SPATA9: variants seen among roughly 807,000 people sequenced by gnomAD.
SPATA9 encodes the protein spermatogenesis-associated protein 9.
SPATA9 carries 27 observed loss-of-function variants against 25.5 expected under a neutral mutation model. That is an observed-to-expected ratio of 1.06 (90% CI 0.78 to 1.46). The LOEUF (loss-of-function observed/expected upper bound fraction) is 1.46, where lower values mean the gene tolerates loss of function less well. Ranked by LOEUF, SPATA9 falls within the 40% of genes most tolerant of loss-of-function variation. The pLI is 0.00. For synonymous variants in SPATA9, 102 were observed against 105.7 expected (o/e 0.97, Z 0.21); for missense variants, 282 against 297.5 (o/e 0.95, Z 0.38).
At chr5:95,722,236 A>G in the SPATA9 span, among the ~76,000 whole-genome samples, 8 of 152,218 alleles carry the variant, frequency 5.3e-5, no homozygotes, top group African/African-American at 1.9e-4. Flanking sequence ...GAAGGCTTTT[A>G]GTACAGTTAA....
At chr5:95,683,533 G>C (rs1400372768), upstream of SPATA9, among the ~76,000 whole-genome samples, 1 of 151,742 alleles carries the variant, frequency 6.6e-6, no homozygotes, top group African/African-American at 2.4e-5. Context: ...TATATATATA[G>C]TTTGTTTGTT....
At chr5:95,667,316 G>A (rs527793649) in intron 3 of SPATA9, among the ~76,000 whole-genome samples, 4 of 151,284 alleles carry the variant, frequency 2.6e-5, no homozygotes, top group African/African-American at 4.9e-5. Flanking sequence ...AGCTAAGAGT[G>A]GGGGGGTGGG....
At chr5:95,703,696 A>T (rs1754230793), upstream of SPATA9, among the ~76,000 whole-genome samples, 1 of 152,174 alleles carries the variant, frequency 6.6e-6, no homozygotes, top group African/African-American at 2.4e-5. Flanking sequence ...TATATCATAT[A>T]TTCATAAAAA....
intron 1 of SPATA9, among the ~76,000 whole-genome samples, chr5:95,693,182 G>A (rs962733132): frequency 6.6e-6 from 1 of 152,192 alleles, no homozygotes; most frequent in African/African-American, 2.4e-5. Context: ...AAAACAATTA[G>A]TATCATCAAG....
chr5:95,658,965 CA>C (rs1398422746), intron 4 of SPATA9, 52 bp from the exon 5 acceptor site: 1 of 1,534,022 alleles, frequency 6.5e-7, no homozygotes, highest in South Asian at 1.3e-5. Flanking sequence ...AGCTACTAAC[CA>C]CAGATTAAAA....
chr5:95,687,447 T>C (rs895833666), upstream of SPATA9, among the ~76,000 whole-genome samples: 1 of 152,078 alleles, frequency 6.6e-6, no homozygotes, highest in African/African-American at 2.4e-5. Context: ...ATTAGGGGAG[T>C]GTATTCTTTA....
upstream of SPATA9, among the ~76,000 whole-genome samples, chr5:95,703,424 A>C (rs1754221855): frequency 6.6e-6 from 1 of 152,188 alleles, no homozygotes; most frequent in South Asian, 2.1e-4. Context: ...CCTTGAGGTC[A>C]TGAGTTCGAG....
At chr5:95,660,025 A>C (rs1156614000) in intron 4 of SPATA9, among the ~76,000 whole-genome samples, 1 of 152,142 alleles carries the variant, frequency 6.6e-6, no homozygotes, top group Non-Finnish European at 1.5e-5. Flanking sequence ...TTTTAGAAGA[A>C]AAAGAGGGAA....
chr5:95,677,796 TA>T (rs1753084282), intron 2 of SPATA9, among the ~76,000 whole-genome samples: 1 of 152,222 alleles, frequency 6.6e-6, no homozygotes, highest in Non-Finnish European at 1.5e-5. Flanking sequence ...CTTTCATATT[TA>T]AAAACTCACA....
chr5:95,729,948 C>T, the SPATA9 span, among the ~76,000 whole-genome samples: 5 of 151,758 alleles, frequency 3.3e-5, no homozygotes, highest in Non-Finnish European at 7.4e-5. Flanking sequence ...TATGGGTTTC[C>T]GGAAAAGACT....
intron 1 of SPATA9, among the ~76,000 whole-genome samples, chr5:95,695,618 A>G (rs1489146735): frequency 6.6e-6 from 1 of 151,998 alleles, no homozygotes; most frequent in African/African-American, 2.4e-5. Flanking sequence ...AAACAAACAA[A>G]CACATTTACA....
the SPATA9 span, among the ~76,000 whole-genome samples, chr5:95,713,165 C>T: frequency 1.3e-5 from 2 of 152,132 alleles, no homozygotes; most frequent in South Asian, 4.1e-4. Flanking sequence ...ATGTCCCAGA[C>T]CTTTTTTTAG....
At position 95,677,258 on chromosome 5, in the gene SPATA9, A is replaced by G. The variant is rs558082734; in HGVS notation, c.151-1619T>C. On this transcript the variant is annotated intron_variant, in intron 2 of 4. Coordinates refer to ENST00000274432, the MANE Select transcript of SPATA9 (RefSeq NM_031952.4). Reference sequence around the variant, plus strand: ...GGAGTATAAATTGTAAGTGTTTTATATCCATTTAGCTTGCTTCTTTTTCTC... The same window carrying G: ...GGAGTATAAATTGTAAGTGTTTTATGTCCATTTAGCTTGCTTCTTTTTCTC... 3.3e-5 allele frequency among the ~76,000 whole-genome samples: 5 copies of G among 152,278 alleles called. 1 individual carries two copies. The highest frequency in any genetic ancestry group is 1.2e-4 in the African/African-American group (5 of 41,566).
the SPATA9 span, among the ~76,000 whole-genome samples, chr5:95,721,590 A>G: frequency 6.6e-5 from 10 of 152,108 alleles, no homozygotes; most frequent in Non-Finnish European, 1.3e-4. Context: ...TTTGAAGGTA[A>G]AAGAGGAGAG....
At chr5:95,697,800 C>G (rs1390974768) in intron 1 of SPATA9, among the ~76,000 whole-genome samples, 1 of 151,626 alleles carries the variant, frequency 6.6e-6, no homozygotes, top group Admixed American at 6.6e-5. Flanking sequence ...AAATACCTGC[C>G]AAATACCCAG....
chr5:95,678,284 G>A (rs572292506), intron 2 of SPATA9, among the ~76,000 whole-genome samples: 1 of 152,328 alleles, frequency 6.6e-6, no homozygotes, highest in Admixed American at 6.5e-5. Context: ...GGCTCAGGCA[G>A]GAGAATAGCT....
At chr5:95,706,982 A>G in the SPATA9 span, among the ~76,000 whole-genome samples, 1 of 152,234 alleles carries the variant, frequency 6.6e-6, no homozygotes. Context: ...AGGGCAATGT[A>G]GAGTTTGATT....
downstream of SPATA9, chr5:95,654,242 A>C (rs1421576878): frequency 6.2e-7 from 1 of 1,611,020 alleles, no homozygotes; most frequent in East Asian, 2.2e-5. Flanking sequence ...TTACCGTAAG[A>C]TTTTATTTTT....
intron 3 of SPATA9, chr5:95,670,856 A>C: frequency 1.0e-6 from 1 of 985,430 alleles, no homozygotes; most frequent in Non-Finnish European, 1.2e-6. Context: ...CATTGTCCTC[A>C]TAGTCAGTTC....
Sources: gnomAD v4.1 joint callset for allele counts (sites outside exome capture counted in the v4.1 genomes callset) on GRCh38, gnomAD v4.1.1 for gene constraint, MANE v1.5 for transcripts, NCBI Gene and HGNC (gene_info 2026-07-23, HGNC 2026-07-21) for gene names.